Variants in KCNMB2 observed in about 807,000 individuals in gnomAD.
KCNMB2 encodes the protein calcium-activated potassium channel subunit beta-2.
KCNMB2 carries 9 observed loss-of-function variants against 24.5 expected under a neutral mutation model. The ratio of observed to expected loss-of-function variants is 0.37; its 90% CI spans 0.22 to 0.64. The LOEUF (loss-of-function observed/expected upper bound fraction) is 0.64. Ranked by LOEUF, KCNMB2 falls within the 30% of genes least tolerant of loss-of-function variation. KCNMB2 has a pLI of 0.63. For synonymous variants in KCNMB2, 109 were observed against 104.4 expected (o/e 1.04, Z -0.27); for missense variants, 226 against 284.3 (o/e 0.79, Z 1.47).
intron 1 of KCNMB2, among the ~76,000 whole-genome samples, chr3:178,633,529 CCA>C (rs1312637901): frequency 2.6e-5 from 4 of 152,312 alleles, no homozygotes; most frequent in African/African-American, 9.6e-5. Flanking sequence ...CCCCTTGTAG[CCA>C]AGGCTGGAGG....
intron 1 of KCNMB2, among the ~76,000 whole-genome samples, chr3:178,621,181 G>C (rs958332958): frequency 3.3e-5 from 5 of 152,162 alleles, no homozygotes; most frequent in Admixed American, 3.3e-4. Flanking sequence ...AATAGAGCCT[G>C]AATTCACATG....
chr3:178,701,522 G>C (rs1331004487), intron 1 of KCNMB2, among the ~76,000 whole-genome samples: 3 of 151,876 alleles, frequency 2.0e-5, no homozygotes, highest in African/African-American at 4.8e-5. Context: ...GATGGGGATG[G>C]CATTGGGCTA....
chr3:178,642,455 T>G (rs929390870), intron 1 of KCNMB2, among the ~76,000 whole-genome samples: 12 of 152,108 alleles, frequency 7.9e-5, no homozygotes, highest in Non-Finnish European at 1.5e-4. Context: ...CACCCTGTGC[T>G]CCCCACCTTC....
intron 2 of KCNMB2, among the ~76,000 whole-genome samples, chr3:178,815,206 G>A (rs1258613626): frequency 6.6e-6 from 1 of 151,960 alleles, no homozygotes; most frequent in African/African-American, 2.4e-5. Flanking sequence ...TAGCACAATC[G>A]TGATTCACTG....
At chr3:178,788,625 T>C (rs1348208570) in intron 1 of KCNMB2, among the ~76,000 whole-genome samples, 1 of 152,198 alleles carries the variant, frequency 6.6e-6, no homozygotes, top group Admixed American at 6.5e-5. Flanking sequence ...TCAGGGAAAT[T>C]AACAATGTAT....
At chr3:178,728,836 C>A (rs1723050254) in intron 1 of KCNMB2, among the ~76,000 whole-genome samples, 1 of 152,152 alleles carries the variant, frequency 6.6e-6, no homozygotes, top group Non-Finnish European at 1.5e-5. Flanking sequence ...CTTTTCTACT[C>A]CTGGAAAGTT....
intron 2 of KCNMB2, among the ~76,000 whole-genome samples, chr3:178,815,817 A>G (rs1714384330): frequency 6.6e-6 from 1 of 152,082 alleles, no homozygotes; most frequent in African/African-American, 2.4e-5. Context: ...TATATTATTT[A>G]TGTAATAGAT....
intron 3 of KCNMB2, among the ~76,000 whole-genome samples, chr3:178,827,598 T>A (rs1459547095): frequency 2.0e-5 from 3 of 152,212 alleles, no homozygotes; most frequent in African/African-American, 7.2e-5. Flanking sequence ...GCTCATGACA[T>A]AATGAAAGGG....
intron 1 of KCNMB2, among the ~76,000 whole-genome samples, chr3:178,761,604 T>A (rs1307201190): frequency 6.6e-6 from 1 of 152,154 alleles, no homozygotes; most frequent in Non-Finnish European, 1.5e-5. Context: ...GTGCCACTGA[T>A]CAGCTAAAGC....
intron 1 of KCNMB2, among the ~76,000 whole-genome samples, chr3:178,539,335 G>GA (rs904745701): frequency 3.3e-5 from 5 of 151,950 alleles, no homozygotes; most frequent in African/African-American, 1.2e-4. Flanking sequence ...AAAAAAACTA[G>GA]AAAAAAATGC....
chr3:178,577,023 C>T (rs775015136), intron 1 of KCNMB2, among the ~76,000 whole-genome samples: 1 of 152,266 alleles, frequency 6.6e-6, no homozygotes, highest in South Asian at 2.1e-4. Flanking sequence ...TCAAGTGGGT[C>T]CCTGACCCCG....
In KCNMB2 at chr3:178,680,648, T is replaced by C. The variant is rs142937963; in HGVS notation, c.-67-126695T>C. Among the ~76,000 whole-genome samples the C allele has an allele frequency of 4.7e-3, 712 of 152,296 alleles. 6 individuals carry two copies. Among genetic ancestry groups the C allele is most frequent in the African/African-American group, 0.016 (654 of 41,580 alleles). ...TCTGATATCCTCCATCAGAGCTCTC[T>C]GCTGGCAACTGTACAGATCTAGTCT... On this transcript the variant is annotated intron_variant, in intron 1 of 4. Coordinates refer to ENST00000452583, the MANE Select transcript of KCNMB2 (RefSeq NM_181361.3).
At chr3:178,596,679 C>T (rs1717883943) in intron 1 of KCNMB2, among the ~76,000 whole-genome samples, 1 of 152,150 alleles carries the variant, frequency 6.6e-6, no homozygotes, top group South Asian at 2.1e-4. Flanking sequence ...TCTTCTAGCC[C>T]CACATTCCCA....
intron 1 of KCNMB2, among the ~76,000 whole-genome samples, chr3:178,583,595 T>C (rs767423521): frequency 7.2e-5 from 11 of 152,162 alleles, no homozygotes; most frequent in South Asian, 2.1e-4. Context: ...CTCAAGAAGA[T>C]AGAATTTAAA....
chr3:178,835,819 T>C (rs1715207690), intron 4 of KCNMB2, among the ~76,000 whole-genome samples: 1 of 152,168 alleles, frequency 6.6e-6, no homozygotes, highest in Non-Finnish European at 1.5e-5. Context: ...TGGTACAGTC[T>C]TTACTGAAAG....
intron 1 of KCNMB2, among the ~76,000 whole-genome samples, chr3:178,671,599 A>C (rs1363306874): frequency 6.6e-6 from 1 of 152,148 alleles, no homozygotes; most frequent in East Asian, 1.9e-4. Flanking sequence ...GATCCACAGC[A>C]CAGTTTTCTG....
chr3:178,641,425 T>G (rs559700767), intron 1 of KCNMB2, among the ~76,000 whole-genome samples: 22 of 152,262 alleles, frequency 1.4e-4, no homozygotes, highest in African/African-American at 5.1e-4. Context: ...TAAGTTTCAC[T>G]GGTGCAATTT....
intron 1 of KCNMB2, among the ~76,000 whole-genome samples, chr3:178,704,771 C>A (rs1241916877): frequency 6.6e-6 from 1 of 152,158 alleles, no homozygotes; most frequent in East Asian, 1.9e-4. Flanking sequence ...AGAACCAAGA[C>A]TAAAGTCCAC....
At chr3:178,813,911 A>G (rs961516864) in intron 2 of KCNMB2, among the ~76,000 whole-genome samples, 1 of 152,226 alleles carries the variant, frequency 6.6e-6, no homozygotes, top group African/African-American at 2.4e-5. Flanking sequence ...CTGCCAAAAA[A>G]GAAACTTGAA....
Sources: gnomAD v4.1 joint callset for allele counts (sites outside exome capture counted in the v4.1 genomes callset) on GRCh38, gnomAD v4.1.1 for gene constraint, MANE v1.5 for transcripts, NCBI Gene and HGNC (gene_info 2026-07-23, HGNC 2026-07-21) for gene names.